The following VPS45 variants were observed in gnomAD, a reference collection of about 807,000 sequenced individuals.
VPS45 encodes the protein vacuolar protein sorting 45 homolog, also known as vacuolar protein sorting-associated protein 45.
Under a neutral mutation model 75.9 loss-of-function variants are expected in VPS45, and 35 were observed. The ratio of observed to expected loss-of-function variants is 0.46; its 90% CI spans 0.35 to 0.61. VPS45 has a LOEUF of 0.61. VPS45 is among the 20% of genes least tolerant of loss of function. VPS45 has a pLI of 0.00. For synonymous variants in VPS45, 220 were observed against 238.2 expected (o/e 0.92, Z 0.70); for missense variants, 559 against 685.9 (o/e 0.81, Z 2.07).
chr1:150,083,540 C>T (rs1217148287), intron 10 of VPS45, among the ~76,000 whole-genome samples: 3 of 151,748 alleles, frequency 2.0e-5, no homozygotes, highest in African/African-American at 7.3e-5. Flanking sequence ...CAACTGTTTT[C>T]CCCAAGGATG....
intron 13 of VPS45, among the ~76,000 whole-genome samples, chr1:150,099,490 C>T (rs1340805431): frequency 5.2e-5 from 7 of 133,662 alleles, no homozygotes; most frequent in African/African-American, 2.0e-4. Context: ...CCAGTCTGGG[C>T]GACAGAGTGA....
At chr1:150,076,761 CTGT>C (rs1352063325) in intron 4 of VPS45, 152 bp from the exon 5 acceptor site, 17 of 695,908 alleles carry the variant, frequency 2.4e-5, no homozygotes, top group Non-Finnish European at 3.9e-5. Context: ...CCCACGTTGA[CTGT>C]TGTTACCCAA....
At chr1:150,092,249 A>T in intron 11 of VPS45, 53 bp from the exon 12 acceptor site, 1 of 1,567,286 alleles carries the variant, frequency 6.4e-7, no homozygotes, top group Non-Finnish European at 8.7e-7. Context: ...TTTTCTTATG[A>T]AATGGGCTTC....
chr1:150,089,911 A>T (rs181343116), intron 10 of VPS45, among the ~76,000 whole-genome samples: 2 of 152,182 alleles, frequency 1.3e-5, no homozygotes, highest in Non-Finnish European at 2.9e-5. Context: ...CTTAAGGATG[A>T]TGGTAGTGAA....
At chr1:150,083,128 C>T in intron 10 of VPS45, 1 of 319,084 alleles carries the variant, frequency 3.1e-6, no homozygotes, top group East Asian at 5.0e-5. Context: ...AGAAAGAGCA[C>T]CAAACTAGAA....
At chr1:150,075,260 G>A (rs782348823) in intron 3 of VPS45, among the ~76,000 whole-genome samples, 2 of 149,636 alleles carry the variant, frequency 1.3e-5, no homozygotes, top group Non-Finnish European at 3.0e-5. Flanking sequence ...CCCTGCCCCT[G>A]CTGCCCCATG....
intron 14 of VPS45, among the ~76,000 whole-genome samples, chr1:150,121,218 T>C (rs1329348155): frequency 6.6e-6 from 1 of 152,224 alleles, no homozygotes; most frequent in Non-Finnish European, 1.5e-5. Flanking sequence ...ATATTTCTTC[T>C]CTTTCCATAG....
intron 13 of VPS45, among the ~76,000 whole-genome samples, chr1:150,097,780 ATATG>A (rs1553803343): frequency 1.3e-5 from 2 of 151,968 alleles, no homozygotes; most frequent in African/African-American, 4.8e-5. Context: ...TTGACTATAC[ATATG>A]TATGTATATT....
chr1:150,104,955 T>C (rs10749674), intron 13 of VPS45, among the ~76,000 whole-genome samples: 40,039 of 152,084 alleles, frequency 0.26, 7,991 homozygotes, highest in African/African-American at 0.56. Flanking sequence ...CCTGTGCATT[T>C]GCTCCCCTCC....
intron 7 of VPS45, among the ~76,000 whole-genome samples, chr1:150,078,854 A>G (rs1185717569): frequency 6.6e-6 from 1 of 151,988 alleles, no homozygotes; most frequent in African/African-American, 2.4e-5. Context: ...TCACACCTAT[A>G]ATCCCAGCAC....
At chr1:150,070,393 T>G (rs1654987313) in intron 2 of VPS45, among the ~76,000 whole-genome samples, 1 of 152,212 alleles carries the variant, frequency 6.6e-6, no homozygotes, top group Admixed American at 6.5e-5. Context: ...TCATGAAATT[T>G]TGGTTCAAGA....
At chr1:150,080,305 C>T (rs1027284345) in intron 7 of VPS45, among the ~76,000 whole-genome samples, 7 of 151,922 alleles carry the variant, frequency 4.6e-5, no homozygotes, top group African/African-American at 1.7e-4. Context: ...CCACCATGCT[C>T]GGCTAGTTTT....
intron 13 of VPS45, among the ~76,000 whole-genome samples, chr1:150,102,981 TAACA>T (rs1657122755): frequency 6.6e-6 from 1 of 152,190 alleles, no homozygotes; most frequent in African/African-American, 2.4e-5. Flanking sequence ...CATGCTTATG[TAACA>T]AACCTTCACA....
intron 7 of VPS45, among the ~76,000 whole-genome samples, chr1:150,079,782 G>T (rs1221675251): frequency 1.3e-5 from 2 of 152,178 alleles, no homozygotes; most frequent in African/African-American, 4.8e-5. Flanking sequence ...TAATGTTAAT[G>T]CTAAGGGAAA....
At chr1:150,103,925 C>CT (rs782152585) in intron 13 of VPS45, among the ~76,000 whole-genome samples, 3 of 152,110 alleles carry the variant, frequency 2.0e-5, no homozygotes, top group Non-Finnish European at 4.4e-5. Context: ...CTCCCTTCTT[C>CT]TTAATAAAAT....
intron 14 of VPS45, among the ~76,000 whole-genome samples, chr1:150,133,234 C>T (rs1658914828): frequency 6.6e-6 from 1 of 152,080 alleles, no homozygotes; most frequent in Non-Finnish European, 1.5e-5. Flanking sequence ...TTTGGGGCCC[C>T]CCAGAGTCAG....
chr1:150,068,636 A>G lies in VPS45; in HGVS notation c.100A>G (p.Ile34Val), dbSNP rs1654855344. The G allele has an allele frequency of 2.5e-6, 4 of 1,574,012 alleles. No individual in the cohort carries two copies. The African/African-American group carries it at 5.5e-5, about 21-fold the overall frequency. The change falls in exon 2 of 15, where the codon ATA (isoleucine) becomes GTA (valine). Residue 34 changes from isoleucine to valine, a missense_variant. Transcript: ENST00000644510. Reference protein sequence around the residue: ...VLLMDKETTGIVSMVYTQSEI... With the variant: ...VLLMDKETTGVVSMVYTQSEI... The stretch of plus-strand genomic sequence containing the variant: ...TAATCTTTTGTTTTTACAGACTGGC[A>G]TAGTGAGTATGGTATACACACAATC...
chr1:150,076,287 A>C lies in VPS45; in HGVS notation c.344A>C (p.Glu115Ala), dbSNP rs1553798064. 6.2e-7 allele frequency: 1 copy of C among 1,608,490 alleles called. No homozygotes were observed. ...SDVKSLAEAD[E>A]QEVVAEVQEF... ...GTGAAGTCATTGGCTGAAGCTGATGAACAGGAAGTTGTGGCTGAGGTTCAG... is the reference window on the plus strand; with the variant it reads ...GTGAAGTCATTGGCTGAAGCTGATGCACAGGAAGTTGTGGCTGAGGTTCAG... Residue 115 changes from glutamate (E) to alanine (A), a missense_variant, in exon 4 of 15, where the codon GAA (glutamate) becomes GCA (alanine). Physicochemically the swap from Glu to Ala is moderately radical, Grantham distance 107. Coordinates refer to ENST00000644510, the MANE Select transcript of VPS45 (RefSeq NM_007259.5).
chr1:150,133,275 C>T (rs1658916721), intron 14 of VPS45, among the ~76,000 whole-genome samples: 1 of 152,104 alleles, frequency 6.6e-6, no homozygotes, highest in Non-Finnish European at 1.5e-5. Context: ...GAAGGCCAGG[C>T]GTGGTGGCTC....
Sources: gnomAD v4.1 joint callset for allele counts (sites outside exome capture counted in the v4.1 genomes callset) on GRCh38, gnomAD v4.1.1 for gene constraint, MANE v1.5 for transcripts, NCBI Gene and HGNC (gene_info 2026-07-23, HGNC 2026-07-21) for gene names.